The following FGD5 variants were observed in gnomAD, a reference collection of about 807,000 sequenced individuals.
The protein encoded by FGD5 is FYVE, RhoGEF and PH domain containing 5.
Under a neutral mutation model 133.4 loss-of-function variants are expected in FGD5, and 28 were observed. The observed-to-expected ratio is 0.21, with a 90% CI of 0.16 to 0.29. FGD5 has a LOEUF of 0.29. Among genes scored for constraint, FGD5 ranks in the 10% least tolerant of loss-of-function variants. The pLI is 1.00. For missense variants in FGD5, 1,858 were observed against 1,895.2 expected, an observed-to-expected ratio of 0.98 and a Z score of 0.36; for synonymous variants, 810 against 776.5, an observed-to-expected ratio of 1.04 and a Z score of -0.72.
intron 11 of FGD5, among the ~76,000 whole-genome samples, chr3:14,913,911 C>G (rs1304080275): frequency 6.6e-6 from 1 of 152,116 alleles, no homozygotes; most frequent in South Asian, 2.1e-4. Context: ...TCTCCCTCCT[C>G]CTCCTCTAGC....
chr3:14,879,539 G>T (rs1457826861), intron 2 of FGD5, among the ~76,000 whole-genome samples: 1 of 152,232 alleles, frequency 6.6e-6, no homozygotes, highest in African/African-American at 2.4e-5. Flanking sequence ...TGCAGAGTTA[G>T]TGCTTCCCAA....
At chr3:14,831,984 G>A (rs2036717903) in intron 1 of FGD5, among the ~76,000 whole-genome samples, 1 of 152,180 alleles carries the variant, frequency 6.6e-6, no homozygotes, top group African/African-American at 2.4e-5. Flanking sequence ...GGTTCTCAGA[G>A]TGGTCAGTGA....
At chr3:14,813,552 A>C (rs756381694) in intron 1 of FGD5, among the ~76,000 whole-genome samples, 85 of 152,214 alleles carry the variant, frequency 5.6e-4, no homozygotes, top group Non-Finnish European at 2.2e-4. Flanking sequence ...CTGCAGCTGA[A>C]ACAGACTTTG....
intron 2 of FGD5, among the ~76,000 whole-genome samples, chr3:14,869,016 C>T (rs2037553947): frequency 1.3e-5 from 2 of 152,108 alleles, no homozygotes; most frequent in African/African-American, 4.8e-5. Flanking sequence ...AACTGGCAGC[C>T]AGGCACGGTG....
At chr3:14,816,703 C>T (rs986784890), upstream of FGD5, among the ~76,000 whole-genome samples, 2 of 152,128 alleles carry the variant, frequency 1.3e-5, no homozygotes, top group Non-Finnish European at 2.9e-5. Flanking sequence ...TATGGATAGA[C>T]GCTTTTCTAA....
intron 2 of FGD5, among the ~76,000 whole-genome samples, chr3:14,868,889 A>G (rs2037551868): frequency 6.6e-6 from 1 of 152,196 alleles, no homozygotes. Context: ...CAGCAATGAC[A>G]AGTCAGACCA....
In FGD5 at chr3:14,913,855, CAGAT is replaced by C. The variant is rs367687123; in HGVS notation, c.3405+2929_3405+2932del. ...CAGCTCCTCCCCTTCAAGCCAAGCT[CAGAT>C]AGCACCTTCTATGGAAGCCTAGCCA... On this transcript the variant is annotated intron_variant, in intron 11 of 19. Coordinates refer to ENST00000285046, the MANE Select transcript of FGD5 (RefSeq NM_152536.4). Among the ~76,000 whole-genome samples, 16 of 152,302 alleles carry C rather than the reference CAGAT, an allele frequency of 1.1e-4. No individual in the cohort carries two copies. The South Asian group carries it at 1.7e-3, about 16-fold the overall frequency.
At chr3:14,887,268 C>T (rs559975883) in intron 4 of FGD5, among the ~76,000 whole-genome samples, 22 of 152,232 alleles carry the variant, frequency 1.4e-4, no homozygotes, top group African/African-American at 5.1e-4. Flanking sequence ...GGACCCGTAC[C>T]CTTGTTCCCA....
rs377720944 is a variant in FGD5, at chr3:14,897,725, C to T, written c.2909+56C>T. 2,020 of 1,520,650 alleles carry T rather than the reference C, an allele frequency of 1.3e-3. 34 individuals carry two copies. The South Asian group carries it at 0.024, about 18-fold the overall frequency. The allele number at this position is 1,520,650 out of a possible 1,614,324, so 94.2% of individuals were successfully genotyped here. A position where few individuals can be genotyped will look rare whatever the true frequency, so the allele number is the denominator to read the frequency against. ...TTTTGTTGCACTGGGGGAATGGAGA[C>T]GGATAAAAACACCACCATATGAAAT... On this transcript the variant is annotated intron_variant, in intron 5 of 19. Coordinates refer to ENST00000285046, the MANE Select transcript of FGD5 (RefSeq NM_152536.4).
chr3:14,898,038 G>C lies in FGD5; in HGVS notation c.3009G>C (p.Leu1003=). ...TGCAGTTCGACAGGTACCTAGGTCT[G>C]CTCAGTGAGAATTGCCTCCACTCTC... ...HILQFDRYLG[L]LSENCLHSPR... Residue 1003 remains leucine (L), a synonymous_variant, in exon 6 of 20, where the codon CTG becomes CTC. Transcript: ENST00000285046. The C allele has an allele frequency of 6.2e-7, 1 of 1,614,024 alleles. No individual in the cohort carries two copies. The highest frequency in any genetic ancestry group is 8.5e-7 in the Non-Finnish European group (1 of 1,179,900).
At chr3:14,864,826 A>G (rs1291284508) in intron 2 of FGD5, among the ~76,000 whole-genome samples, 1 of 152,162 alleles carries the variant, frequency 6.6e-6, no homozygotes, top group African/African-American at 2.4e-5. Flanking sequence ...CGGGTGCATC[A>G]GTGCTGATGG....
Position 14,861,727 on chromosome 3 carries a change from G to A in FGD5, c.2526-2401G>A, listed in dbSNP as rs150694289. Among the ~76,000 whole-genome samples the A allele has an allele frequency of 6.4e-3, 972 of 152,074 alleles. 12 individuals carry two copies. Among genetic ancestry groups the A allele is most frequent in the African/African-American group, 0.023 (935 of 41,496 alleles). On this transcript the variant is annotated intron_variant, in intron 1 of 19. Coordinates refer to ENST00000285046, the MANE Select transcript of FGD5 (RefSeq NM_152536.4). Reference sequence around the variant, plus strand: ...CCCAGGTTCTGTGATGCCCAGCAGCGTCTGATGCTGGGGAGACCACAGCAG... The same window carrying A: ...CCCAGGTTCTGTGATGCCCAGCAGCATCTGATGCTGGGGAGACCACAGCAG...
chr3:14,834,392 T>C (rs2125079784), intron 1 of FGD5, among the ~76,000 whole-genome samples: 1 of 152,338 alleles, frequency 6.6e-6, no homozygotes, highest in African/African-American at 2.4e-5. Context: ...CAAGGAGTTA[T>C]TGTGAGGACT....
chr3:14,920,582 A>G (rs1651366572), intron 13 of FGD5: 1 of 152,238 alleles, frequency 6.6e-6, no homozygotes, highest in Admixed American at 6.5e-5. Flanking sequence ...AGGAGCCCAC[A>G]TTACAGGTAG....
At chr3:14,914,459 G>A (rs977563840) in intron 11 of FGD5, among the ~76,000 whole-genome samples, 2 of 152,238 alleles carry the variant, frequency 1.3e-5, no homozygotes, top group African/African-American at 4.8e-5. Context: ...AGGCAGGAGA[G>A]CCATGGGCAA....
At chr3:14,901,506 T>G (rs532113756) in intron 9 of FGD5, among the ~76,000 whole-genome samples, 2 of 152,362 alleles carry the variant, frequency 1.3e-5, no homozygotes, top group East Asian at 3.9e-4. Flanking sequence ...GATCTGATTC[T>G]GACTGTGTGA....
At chr3:14,827,205 T>C (rs79468826) in intron 1 of FGD5, among the ~76,000 whole-genome samples, 2,283 of 152,086 alleles carry the variant, frequency 0.015, 68 homozygotes, top group African/African-American at 0.051. Flanking sequence ...AACCCAAGTC[T>C]GTCTGACTTT....
intron 12 of FGD5, among the ~76,000 whole-genome samples, chr3:14,918,065 A>G (rs896674379): frequency 1.6e-4 from 24 of 152,098 alleles, no homozygotes; most frequent in African/African-American, 5.3e-4. Flanking sequence ...GGTGGCTTCC[A>G]CCTTTAGGCT....
In FGD5 at chr3:14,864,185, C is replaced by G; in HGVS notation, c.2583C>G (p.Asp861Glu). Residue 861 changes from aspartate (D) to glutamate (E), a missense_variant, in exon 2 of 20, where the codon GAC becomes GAG. Asp to Glu is a conservative substitution (Grantham distance 45). Transcript: ENST00000285046. The part of the protein sequence containing the change: ...CPISSAAPKE[D>E]LTSDEEQRSS... ...TCTCGTCGGCAGCCCCCAAAGAGGA[C>G]CTTACGTCGGATGAAGAGCAGAGAA... The G allele has an allele frequency of 6.2e-7, 1 of 1,614,008 alleles. No individual in the cohort carries two copies. Among genetic ancestry groups the G allele is most frequent in the Non-Finnish European group, 8.5e-7 (1 of 1,179,888 alleles).
Sources: gnomAD v4.1 joint callset for allele counts (sites outside exome capture counted in the v4.1 genomes callset) on GRCh38, gnomAD v4.1.1 for gene constraint, MANE v1.5 for transcripts, NCBI Gene and HGNC (gene_info 2026-07-23, HGNC 2026-07-21) for gene names.